The following ADAMTS18 variants were observed in gnomAD, a reference collection of about 807,000 sequenced individuals.
The protein encoded by ADAMTS18 is ADAM metallopeptidase with thrombospondin type 1 motif 18.
A neutral mutation model predicts 165.9 loss-of-function variants in ADAMTS18; 157 were observed. That is an observed-to-expected ratio of 0.95 (90% CI 0.83 to 1.08). The LOEUF is 1.08. Ranked by LOEUF, ADAMTS18 falls within the 50% of genes least tolerant of loss-of-function variation. ADAMTS18 has a pLI of 0.00. For missense variants in ADAMTS18, 2,040 were observed against 1,534.0 expected (o/e 1.33, Z -5.51); for synonymous variants, 782 against 578.2 (o/e 1.35, Z -5.06).
At position 77,291,256 on chromosome 16, in the gene ADAMTS18, C is replaced by G. The variant is rs745875630; in HGVS notation, c.3402+10G>C. ...TTGAATAGACACCTCCTCAATCGGC[C>G]TGTACCCACCTGCTGCCACGGCAAT... On this transcript the variant is annotated intron_variant, in intron 21 of 22. Transcript: ENST00000282849. The G allele has an allele frequency of 6.2e-7, 1 of 1,613,740 alleles. No homozygotes were observed. The highest frequency in any genetic ancestry group is 1.7e-5 in the Admixed American group (1 of 60,024).
At chr16:77,298,056 C>G (rs1567461870) in intron 17 of ADAMTS18, among the ~76,000 whole-genome samples, 2 of 150,562 alleles carry the variant, frequency 1.3e-5, no homozygotes, top group African/African-American at 2.4e-5. Context: ...TCCCAGATAC[C>G]TGGGATTACA....
intron 10 of ADAMTS18, among the ~76,000 whole-genome samples, chr16:77,351,753 G>A (rs1041474187): frequency 6.6e-6 from 1 of 151,818 alleles, no homozygotes; most frequent in Non-Finnish European, 1.5e-5. Context: ...TAGAAATAGG[G>A]TCTCAGTCTG....
At chr16:77,359,542 G>GT in intron 7 of ADAMTS18, 119 bp from the exon 8 acceptor site, 1 of 548,746 alleles carries the variant, frequency 1.8e-6, no homozygotes, top group South Asian at 2.1e-5. Context: ...TGCATTCAGT[G>GT]TTTTTGGAAA....
intron 10 of ADAMTS18, among the ~76,000 whole-genome samples, chr16:77,343,074 CT>C (rs59318924): frequency 1.2e-3 from 171 of 142,328 alleles, no homozygotes; most frequent in Non-Finnish European, 9.8e-4. Context: ...ACCTTACTTT[CT>C]TTTTTTTTTT....
chr16:77,361,803 G>T (rs1041592475), intron 7 of ADAMTS18, among the ~76,000 whole-genome samples: 1 of 152,102 alleles, frequency 6.6e-6, no homozygotes, highest in South Asian at 2.1e-4. Flanking sequence ...AGAATTGCTT[G>T]AACCCAGGAG....
Position 77,434,855 on chromosome 16 carries a change from C to G in ADAMTS18, c.-160G>C, listed in dbSNP as rs1260283632. ...TCGCAGCGGGGGCGCGCTGGGACCT[C>G]CCCTCCTCCGGCCGCCTGCGCGCCC... On this transcript the variant is annotated 5_prime_UTR_variant, in exon 1 of 23. Transcript: ENST00000282849. The G allele has an allele frequency of 9.4e-6, 5 of 533,864 alleles. No individual in the cohort carries two copies. In the African/African-American group the frequency reaches 1.0e-4, roughly 11 times the overall value. 33.1% of individuals were successfully genotyped at this position (533,864 alleles called of 1,614,324 possible). A position where few individuals can be genotyped will look rare whatever the true frequency, so the allele number is the denominator to read the frequency against.
intron 8 of ADAMTS18, among the ~76,000 whole-genome samples, chr16:77,357,008 T>A (rs896933067): frequency 7.1e-6 from 1 of 140,738 alleles, no homozygotes. Context: ...TTTTTTTTTT[T>A]AGGGATGCAG....
rs762855824 is a variant in ADAMTS18, at chr16:77,320,077, G to C, written c.2304C>G (p.Val768=). ...TGCTTCGGGCGCCAGCTGGAATGAG[G>C]ACCACCGGATAATATTCTAAATGGA... is the stretch of plus-strand genomic sequence containing the variant. ...QHKANEYYPV[V]LIPAGARSIE... The change falls in exon 16 of 23, where the codon GTC becomes GTG. Residue 768 remains valine (V), a synonymous_variant. Transcript: ENST00000282849. The C allele has an allele frequency of 1.2e-6, 2 of 1,614,040 alleles. No individual in the cohort carries two copies. The highest frequency in any genetic ancestry group is 1.7e-6 in the Non-Finnish European group (2 of 1,179,996).
At chr16:77,348,076 T>G (rs1285030649) in intron 10 of ADAMTS18, among the ~76,000 whole-genome samples, 1 of 152,158 alleles carries the variant, frequency 6.6e-6, no homozygotes, top group African/African-American at 2.4e-5. Context: ...CATTCACATA[T>G]AGATATCACT....
intron 16 of ADAMTS18, among the ~76,000 whole-genome samples, chr16:77,315,296 G>C (rs1161084976): frequency 1.3e-5 from 2 of 152,210 alleles, no homozygotes; most frequent in Non-Finnish European, 2.9e-5. Context: ...TGCCTCCACA[G>C]AGGGTCTCAA....
At chr16:77,329,789 C>T (rs1332605148) in intron 12 of ADAMTS18, among the ~76,000 whole-genome samples, 2 of 151,886 alleles carry the variant, frequency 1.3e-5, no homozygotes, top group Admixed American at 6.6e-5. Flanking sequence ...ACAGACAATT[C>T]TATCATGATA....
chr16:77,367,506 C>T lies in ADAMTS18; in HGVS notation c.713G>A (p.Ser238Asn). 6.2e-7 allele frequency: 1 copy of T among 1,614,236 alleles called. No individual in the cohort carries two copies. The highest frequency in any genetic ancestry group is 8.5e-7 in the Non-Finnish European group (1 of 1,180,042). The change falls in exon 4 of 23, where the codon AGT (serine) becomes AAT (asparagine). Residue 238 changes from serine to asparagine, a missense_variant. Transcript: ENST00000282849. ...TCGATGGTGATACTCTGTCTCTCGACTCTGAGATGCATGGGGAATGTGACT... is the reference window on the plus strand; with the variant it reads ...TCGATGGTGATACTCTGTCTCTCGATTCTGAGATGCATGGGGAATGTGACT... ...SPSHIPHASQ[S>N]RETEYHHRRL... is the part of the protein sequence containing the mutation.
At chr16:77,412,889 G>A (rs952762816) in intron 3 of ADAMTS18, among the ~76,000 whole-genome samples, 3 of 152,090 alleles carry the variant, frequency 2.0e-5, no homozygotes, top group African/African-American at 4.8e-5. Context: ...ATATCACAGG[G>A]TCTCACTATG....
intron 16 of ADAMTS18, among the ~76,000 whole-genome samples, chr16:77,312,821 T>C (rs1053556336): frequency 1.3e-5 from 2 of 152,038 alleles, no homozygotes; most frequent in Non-Finnish European, 2.9e-5. Context: ...TGTGGAGAAA[T>C]AGGAACACTT....
chr16:77,284,033 G>C lies in ADAMTS18; in HGVS notation c.3589C>G (p.Leu1197Val). Reference protein sequence around the residue: ...SCVDFFNWCHLVPQHGVCNHK... With the variant: ...SCVDFFNWCHVVPQHGVCNHK... ...TTGCAGACACCATGCTGAGGAACTA[G>C]GTGACACCAGTTGAAGAAATCTACG... Residue 1197 changes from leucine to valine, a missense_variant, in exon 23 of 23, where the codon CTA (leucine) becomes GTA (valine). Coordinates refer to ENST00000282849, the MANE Select transcript of ADAMTS18 (RefSeq NM_199355.4). 1.2e-6 allele frequency: 2 copies of C among 1,613,858 alleles called. No individual in the cohort carries two copies.
chr16:77,418,885 T>C (rs947642951), intron 3 of ADAMTS18, among the ~76,000 whole-genome samples: 1 of 152,208 alleles, frequency 6.6e-6, no homozygotes, highest in Non-Finnish European at 1.5e-5. Flanking sequence ...GTGCGGCAGC[T>C]CACGCCTGTA....
chr16:77,427,201 C>T (rs73635353), intron 3 of ADAMTS18, among the ~76,000 whole-genome samples: 1,817 of 152,238 alleles, frequency 0.012, 42 homozygotes, highest in African/African-American at 0.042. Flanking sequence ...ACATTTTCAG[C>T]CCTTCAAGTG....
intron 3 of ADAMTS18, among the ~76,000 whole-genome samples, chr16:77,378,320 CTCAAAA>C (rs1164941862): frequency 7.1e-6 from 1 of 141,158 alleles, no homozygotes; most frequent in Admixed American, 7.5e-5. Context: ...GAGGCCTTGT[CTCAAAA>C]ACAAAAACAA....
chr16:77,402,454 G>C (rs1042426642), intron 3 of ADAMTS18, among the ~76,000 whole-genome samples: 6 of 152,126 alleles, frequency 3.9e-5, no homozygotes, highest in African/African-American at 1.4e-4. Flanking sequence ...GCTTTTCCAG[G>C]CTCCTGCAAA....
Sources: allele counts gnomAD v4.1 joint callset (sites outside exome capture counted in the v4.1 genomes callset), GRCh38; gene constraint gnomAD v4.1.1; transcripts MANE v1.5; gene names NCBI Gene and HGNC (gene_info 2026-07-23, HGNC 2026-07-21).